NOX4: variants seen among roughly 807,000 people sequenced by gnomAD.
NOX4 encodes the protein NADPH oxidase 4.
NOX4 carries 69 observed loss-of-function variants against 87.6 expected under a neutral mutation model. The ratio of observed to expected loss-of-function variants is 0.79; its 90% CI spans 0.65 to 0.96. The LOEUF is 0.96. NOX4 is among the 40% of genes least tolerant of loss of function. The pLI is 0.00. For synonymous variants in NOX4, 275 were observed against 238.2 expected (o/e 1.15, Z -1.42); for missense variants, 680 against 681.5 (o/e 1.00, Z 0.02).
intron 13 of NOX4, among the ~76,000 whole-genome samples, chr11:89,350,449 A>C (rs1170637373): frequency 2.0e-5 from 3 of 152,178 alleles, no homozygotes; most frequent in African/African-American, 7.2e-5. Context: ...TTGACTAAAT[A>C]GAAACCCAAG....
At chr11:89,577,552 A>G in the NOX4 span, 3 of 152,212 alleles carry the variant, frequency 2.0e-5, no homozygotes, top group African/African-American at 7.2e-5. Flanking sequence ...ATATTATCTC[A>G]ACTTCACACA....
chr11:89,587,952 A>T, the NOX4 span, among the ~76,000 whole-genome samples: 53 of 152,234 alleles, frequency 3.5e-4, no homozygotes, highest in African/African-American at 1.2e-3. Context: ...TCATTGCAAC[A>T]CTTGCCCCCA....
chr11:89,405,475 A>G, intron 8 of NOX4, among the ~76,000 whole-genome samples: 1 of 152,072 alleles, frequency 6.6e-6, no homozygotes, highest in Middle Eastern at 3.2e-3. Flanking sequence ...TTATTTCAAG[A>G]CTATAGTAAT....
At chr11:89,451,519 T>A (rs528333555) in intron 3 of NOX4, among the ~76,000 whole-genome samples, 12 of 152,284 alleles carry the variant, frequency 7.9e-5, no homozygotes, top group African/African-American at 2.9e-4. Context: ...GATTGTAGAA[T>A]CCCTGTAAGA....
At chr11:89,544,138 G>C in the NOX4 span, among the ~76,000 whole-genome samples, 1 of 152,026 alleles carries the variant, frequency 6.6e-6, no homozygotes, top group Non-Finnish European at 1.5e-5. Flanking sequence ...CAATGATTTG[G>C]TCTGATTTAT....
Position 89,371,775 on chromosome 11 carries a change from G to A in NOX4, c.1135+1657C>T, listed in dbSNP as rs16913192. 3.0e-3 allele frequency among the ~76,000 whole-genome samples: 461 copies of A among 151,758 alleles called. 1 individual carries two copies. The highest frequency in any genetic ancestry group is 0.011 in the African/African-American group (441 of 41,484). ...CACCAGTGTATACCTATCAGAGGAC[G>A]ACCATGATCTCTTTTGAATGCTACC... On this transcript the variant is annotated intron_variant, in intron 12 of 17. Coordinates refer to ENST00000263317, the MANE Select transcript of NOX4 (RefSeq NM_016931.5).
intron 11 of NOX4, among the ~76,000 whole-genome samples, chr11:89,375,874 A>C (rs1253029194): frequency 2.0e-5 from 3 of 152,232 alleles, no homozygotes; most frequent in African/African-American, 7.2e-5. Flanking sequence ...ATAGCCAAGA[A>C]GATATCAGAA....
the NOX4 span, among the ~76,000 whole-genome samples, chr11:89,518,240 A>AGG: frequency 6.6e-6 from 1 of 152,044 alleles, no homozygotes; most frequent in Non-Finnish European, 1.5e-5. Context: ...CAATCCAAAC[A>AGG]AACTGCTTGT....
the NOX4 span, among the ~76,000 whole-genome samples, chr11:89,534,536 G>A: frequency 3.9e-5 from 6 of 152,228 alleles, no homozygotes; most frequent in East Asian, 1.9e-4. Context: ...CCACAGAATC[G>A]TGTTTTGTCC....
chr11:89,483,591 C>T (rs1946477500), intron 2 of NOX4, among the ~76,000 whole-genome samples: 1 of 150,798 alleles, frequency 6.6e-6, no homozygotes, highest in Non-Finnish European at 1.5e-5. Flanking sequence ...ATGGTAGTTA[C>T]CAGGTGCTGG....
rs747000456 is a variant in NOX4, at chr11:89,460,033, C to T, written c.154-8138G>A. Among the ~76,000 whole-genome samples, 3 of 152,126 alleles carry T rather than the reference C, an allele frequency of 2.0e-5. No individual in the cohort carries two copies. In the South Asian group the frequency reaches 6.2e-4, roughly 31 times the overall value. On this transcript the variant is annotated intron_variant, in intron 2 of 17. Coordinates refer to ENST00000263317, the MANE Select transcript of NOX4 (RefSeq NM_016931.5). ...ACATCTACAACCATCTGATCTTTGA[C>T]AAACCTGACAAAAACAAGAAATGGG...
At chr11:89,487,709 A>G (rs941872349) in intron 2 of NOX4, among the ~76,000 whole-genome samples, 1 of 152,202 alleles carries the variant, frequency 6.6e-6, no homozygotes, top group African/African-American at 2.4e-5. Context: ...TCTAAGATGC[A>G]TCACTCTAAG....
intron 17 of NOX4, among the ~76,000 whole-genome samples, chr11:89,333,159 G>A (rs566350528): frequency 2.0e-5 from 3 of 151,748 alleles, no homozygotes; most frequent in Non-Finnish European, 4.4e-5. Flanking sequence ...AATTAGGGTA[G>A]TAGGAGTCAT....
the NOX4 span, among the ~76,000 whole-genome samples, chr11:89,510,057 T>C: frequency 6.6e-6 from 1 of 152,048 alleles, no homozygotes; most frequent in Non-Finnish European, 1.5e-5. Context: ...CTGTGGATTC[T>C]TTCGAAAAAG....
intron 16 of NOX4, 34 bp downstream of exon 16, chr11:89,337,413 G>A: frequency 1.9e-6 from 3 of 1,610,342 alleles, no homozygotes; most frequent in Non-Finnish European, 2.5e-6. Context: ...TTATCAAGAG[G>A]CTTGTTTAAT....
chr11:89,415,843 A>T (rs1349281886), intron 8 of NOX4, among the ~76,000 whole-genome samples: 3 of 152,136 alleles, frequency 2.0e-5, no homozygotes, highest in African/African-American at 7.2e-5. Context: ...TTTATAAAAG[A>T]TTTTACCCAC....
chr11:89,493,413 G>A (rs1480063845), upstream of NOX4, among the ~76,000 whole-genome samples: 7 of 151,538 alleles, frequency 4.6e-5, no homozygotes, highest in East Asian at 1.4e-3. Flanking sequence ...GATGAGAAAC[G>A]GAAGCTAAAA....
chr11:89,429,195 G>C (rs1295518369), intron 7 of NOX4, among the ~76,000 whole-genome samples: 1 of 152,134 alleles, frequency 6.6e-6, no homozygotes, highest in African/African-American at 2.4e-5. Context: ...GAATCTCTGG[G>C]ACACATTTAA....
intron 6 of NOX4, among the ~76,000 whole-genome samples, chr11:89,435,335 T>C (rs1466214809): frequency 6.6e-6 from 1 of 152,092 alleles, no homozygotes; most frequent in Non-Finnish European, 1.5e-5. Context: ...TACACTTTCC[T>C]ATATAGTTTT....
Sources: allele counts gnomAD v4.1 joint callset (sites outside exome capture counted in the v4.1 genomes callset), GRCh38; gene constraint gnomAD v4.1.1; transcripts MANE v1.5; gene names NCBI Gene and HGNC (gene_info 2026-07-23, HGNC 2026-07-21).